Variants in LRRC3B observed in about 807,000 individuals in gnomAD.
LRRC3B encodes the protein leucine-rich repeat-containing protein 3B.
A neutral mutation model predicts 12.8 loss-of-function variants in LRRC3B; 2 were observed. That is an observed-to-expected ratio of 0.16 (90% CI 0.06 to 0.49). The LOEUF (loss-of-function observed/expected upper bound fraction) is 0.49, where lower values mean the gene tolerates loss of function less well. LRRC3B is among the 20% of genes least tolerant of loss of function. The pLI is 0.96. For missense variants in LRRC3B, 189 were observed against 319.4 expected (o/e 0.59, Z 3.11); for synonymous variants, 132 against 122.0 (o/e 1.08, Z -0.54).
intron 1 of LRRC3B, among the ~76,000 whole-genome samples, chr3:26,653,004 G>A (rs1232299349): frequency 6.6e-6 from 1 of 151,908 alleles, no homozygotes; most frequent in Non-Finnish European, 1.5e-5. Flanking sequence ...AGGCATTGCT[G>A]GGTCAACAAG....
intron 1 of LRRC3B, among the ~76,000 whole-genome samples, chr3:26,639,993 A>AT (rs907738564): frequency 1.3e-5 from 2 of 152,136 alleles, no homozygotes; most frequent in African/African-American, 4.8e-5. Context: ...TCTACACCAA[A>AT]TCAGGATGGA....
chr3:26,707,103 A>G (rs1390284245), intron 1 of LRRC3B, among the ~76,000 whole-genome samples: 1 of 151,844 alleles, frequency 6.6e-6, no homozygotes, highest in Non-Finnish European at 1.5e-5. Flanking sequence ...CTGTAATCCT[A>G]GCACTTTGGG....
intron 1 of LRRC3B, among the ~76,000 whole-genome samples, chr3:26,691,299 C>A (rs537829852): frequency 1.3e-5 from 2 of 151,784 alleles, no homozygotes; most frequent in African/African-American, 4.8e-5. Flanking sequence ...GATTTATACA[C>A]TACTTGACTT....
At chr3:26,649,219 C>T (rs902538589) in intron 1 of LRRC3B, among the ~76,000 whole-genome samples, 4 of 152,190 alleles carry the variant, frequency 2.6e-5, no homozygotes, top group African/African-American at 9.7e-5. Flanking sequence ...TACAGGAAAA[C>T]ACTGAACAGA....
chr3:26,679,838 A>C (rs951871050), intron 1 of LRRC3B, among the ~76,000 whole-genome samples: 9 of 152,142 alleles, frequency 5.9e-5, no homozygotes, highest in Non-Finnish European at 4.4e-5. Flanking sequence ...ATAAGAAACT[A>C]TCTGTTAAAT....
intron 1 of LRRC3B, among the ~76,000 whole-genome samples, chr3:26,669,034 T>G (rs536947072): frequency 6.6e-6 from 1 of 152,324 alleles, no homozygotes; most frequent in African/African-American, 2.4e-5. Context: ...CATGTACACA[T>G]GTTCAACCAC....
chr3:26,623,002 G>T (rs1698546353), exon 1 of LRRC3B: 1 of 151,308 alleles, frequency 6.6e-6, no homozygotes, highest in African/African-American at 2.4e-5. Context: ...CGCCAGCCGC[G>T]CCACGCACTG....
At chr3:26,649,106 G>C (rs1425656025) in intron 1 of LRRC3B, among the ~76,000 whole-genome samples, 1 of 152,168 alleles carries the variant, frequency 6.6e-6, no homozygotes, top group African/African-American at 2.4e-5. Context: ...TATAATAGAG[G>C]CTACTTATTT....
intron 1 of LRRC3B, among the ~76,000 whole-genome samples, chr3:26,637,374 C>T (rs537127531): frequency 1.3e-5 from 2 of 152,186 alleles, no homozygotes; most frequent in Non-Finnish European, 2.9e-5. Context: ...TCAACCTCCA[C>T]CACCTCAAAT....
At chr3:26,674,575 A>C (rs141581003) in intron 1 of LRRC3B, among the ~76,000 whole-genome samples, 136 of 152,328 alleles carry the variant, frequency 8.9e-4, no homozygotes, top group African/African-American at 3.0e-3. Flanking sequence ...CCTGATGTTA[A>C]AATCTAGGTT....
intron 1 of LRRC3B, chr3:26,694,582 A>G (rs1018672637): frequency 7.9e-5 from 12 of 152,250 alleles, no homozygotes; most frequent in Non-Finnish European, 1.0e-4. Flanking sequence ...AATCAATGAA[A>G]TAAGCATTAT....
chr3:26,627,705 C>G (rs1177741052), intron 1 of LRRC3B, among the ~76,000 whole-genome samples: 1 of 152,070 alleles, frequency 6.6e-6, no homozygotes, highest in Non-Finnish European at 1.5e-5. Context: ...CCCCAGTTAT[C>G]TCAAGGAGAA....
chr3:26,681,809 TG>T (rs927417762), intron 1 of LRRC3B, among the ~76,000 whole-genome samples: 4 of 152,146 alleles, frequency 2.6e-5, no homozygotes, highest in African/African-American at 9.7e-5. Flanking sequence ...CAAAGCCTCT[TG>T]AATTGAATAT....
chr3:26,705,274 G>C (rs1022519525), intron 1 of LRRC3B, among the ~76,000 whole-genome samples: 13 of 152,054 alleles, frequency 8.5e-5, no homozygotes, highest in Non-Finnish European at 1.3e-4. Context: ...AAGAAAATAT[G>C]AGCGAAATAT....
At chr3:26,641,593 G>T (rs1699032749) in intron 1 of LRRC3B, among the ~76,000 whole-genome samples, 1 of 152,172 alleles carries the variant, frequency 6.6e-6, no homozygotes, top group African/African-American at 2.4e-5. Context: ...AGCTGGAAGT[G>T]GCAGGATGGA....
intron 1 of LRRC3B, among the ~76,000 whole-genome samples, chr3:26,662,256 T>C (rs948140404): frequency 1.3e-4 from 20 of 152,184 alleles, no homozygotes; most frequent in African/African-American, 4.8e-4. Context: ...CTCTCTGCCA[T>C]GCCCAACTTG....
At chr3:26,638,847 G>A (rs1327333424) in intron 1 of LRRC3B, among the ~76,000 whole-genome samples, 1 of 152,218 alleles carries the variant, frequency 6.6e-6, no homozygotes, top group Non-Finnish European at 1.5e-5. Flanking sequence ...AAGTAAGGCT[G>A]CTGAATGAAG....
At chr3:26,690,728 A>G (rs917958277) in intron 1 of LRRC3B, among the ~76,000 whole-genome samples, 1 of 151,750 alleles carries the variant, frequency 6.6e-6, no homozygotes, top group Non-Finnish European at 1.5e-5. Flanking sequence ...TCTTGGTTGG[A>G]AAAAATCTAT....
intron 1 of LRRC3B, among the ~76,000 whole-genome samples, chr3:26,669,248 C>G (rs552953052): frequency 6.6e-6 from 1 of 152,152 alleles, no homozygotes; most frequent in African/African-American, 2.4e-5. Context: ...AGATGAGTGT[C>G]GTGCAGAGCT....
Sources: gnomAD v4.1 joint callset for allele counts (sites outside exome capture counted in the v4.1 genomes callset) on GRCh38, gnomAD v4.1.1 for gene constraint, MANE v1.5 for transcripts, NCBI Gene and HGNC (gene_info 2026-07-23, HGNC 2026-07-21) for gene names.